Variants in ADAM20 observed in about 807,000 individuals in gnomAD.
ADAM20 encodes the protein ADAM metallopeptidase domain 20.
For synonymous variants in ADAM20, 305 were observed against 310.2 expected, an observed-to-expected ratio of 0.98 and a Z score of 0.18; for missense variants, 871 against 883.2, an observed-to-expected ratio of 0.99 and a Z score of 0.18.
chr14:70,557,527 A>G, the ADAM20 span: 2 of 152,332 alleles, frequency 1.3e-5, no homozygotes, highest in South Asian at 4.1e-4. Flanking sequence ...TGCTTTCAAC[A>G]AAGTTTTTAC....
the ADAM20 span, among the ~76,000 whole-genome samples, chr14:70,563,076 G>C: frequency 2.0e-5 from 3 of 152,104 alleles, no homozygotes; most frequent in Non-Finnish European, 4.4e-5. Context: ...AATCTGAGAA[G>C]AATTCTCACA....
intron 1 of ADAM20, among the ~76,000 whole-genome samples, chr14:70,533,269 T>C (rs1367888454): frequency 6.6e-6 from 1 of 152,200 alleles, no homozygotes; most frequent in Non-Finnish European, 1.5e-5. Context: ...CAAAGGATTA[T>C]AAATCATTCT....
chr14:70,559,321 TTCA>T, the ADAM20 span, among the ~76,000 whole-genome samples: 1 of 151,846 alleles, frequency 6.6e-6, no homozygotes, highest in East Asian at 1.9e-4. Context: ...CCTTTTTTTT[TTCA>T]TCATACCACA....
chr14:70,550,838 G>A, the ADAM20 span, among the ~76,000 whole-genome samples: 1 of 101,556 alleles, frequency 9.8e-6, no homozygotes. Context: ...TCAAAGCCGG[G>A]CAGAGACACA....
upstream of ADAM20, among the ~76,000 whole-genome samples, chr14:70,539,616 A>G (rs1883904855): frequency 6.6e-6 from 1 of 152,176 alleles, no homozygotes; most frequent in Non-Finnish European, 1.5e-5. Flanking sequence ...TTTTGCTGCA[A>G]CTGTTACTGC....
At chr14:70,545,255 T>C in the ADAM20 span, among the ~76,000 whole-genome samples, 1 of 152,152 alleles carries the variant, frequency 6.6e-6, no homozygotes, top group Admixed American at 6.5e-5. Flanking sequence ...TTCTTATTGC[T>C]GAAGAGGGTA....
chr14:70,563,545 T>C, the ADAM20 span, among the ~76,000 whole-genome samples: 2 of 152,226 alleles, frequency 1.3e-5, no homozygotes, highest in African/African-American at 4.8e-5. Context: ...TTTGGACATT[T>C]GTCCCCGCCT....
At chr14:70,528,095 AC>A (rs1222341233) in intron 1 of ADAM20, among the ~76,000 whole-genome samples, 2 of 152,200 alleles carry the variant, frequency 1.3e-5, no homozygotes, top group African/African-American at 4.8e-5. Flanking sequence ...CACCAGTTAA[AC>A]TATAATTTGG....
chr14:70,554,920 G>A, the ADAM20 span, among the ~76,000 whole-genome samples: 9 of 152,322 alleles, frequency 5.9e-5, no homozygotes, highest in African/African-American at 9.6e-5. Flanking sequence ...GAGAGGGCCC[G>A]AGCATGGGGG....
chr14:70,539,733 T>C (rs1883906618), upstream of ADAM20, among the ~76,000 whole-genome samples: 1 of 152,238 alleles, frequency 6.6e-6, no homozygotes, highest in African/African-American at 2.4e-5. Flanking sequence ...CTTATCTCTG[T>C]ATACTGTACT....
chr14:70,545,964 G>C, the ADAM20 span, among the ~76,000 whole-genome samples: 2 of 152,126 alleles, frequency 1.3e-5, no homozygotes, highest in Non-Finnish European at 2.9e-5. Flanking sequence ...CACAAAACAA[G>C]TCTGAAAACA....
the ADAM20 span, among the ~76,000 whole-genome samples, chr14:70,546,098 A>G: frequency 6.6e-6 from 1 of 152,232 alleles, no homozygotes; most frequent in East Asian, 1.9e-4. Context: ...AAGCTCCTGA[A>G]TGGCCACTGT....
chr14:70,525,569 C>T (rs1367262749), intron 1 of ADAM20, among the ~76,000 whole-genome samples: 5 of 152,042 alleles, frequency 3.3e-5, no homozygotes, highest in African/African-American at 1.2e-4. Flanking sequence ...ATCTTTCTTC[C>T]AACCAAAAAC....
the ADAM20 span, among the ~76,000 whole-genome samples, chr14:70,576,251 C>T: frequency 6.6e-6 from 1 of 152,118 alleles, no homozygotes; most frequent in African/African-American, 2.4e-5. Flanking sequence ...AAAGAGACAA[C>T]TATCAATGCA....
At chr14:70,560,743 G>GTA in the ADAM20 span, among the ~76,000 whole-genome samples, 15 of 152,236 alleles carry the variant, frequency 9.9e-5, no homozygotes, top group South Asian at 3.1e-3. Flanking sequence ...TTGCCACCAT[G>GTA]TAAAGAAAGT....
At chr14:70,573,301 G>A in the ADAM20 span, among the ~76,000 whole-genome samples, 1 of 152,094 alleles carries the variant, frequency 6.6e-6, no homozygotes, top group Non-Finnish European at 1.5e-5. Context: ...GCAGCTGGAG[G>A]CCATTACCCT....
At chr14:70,537,607 C>A (rs1883863432), upstream of ADAM20, among the ~76,000 whole-genome samples, 1 of 152,140 alleles carries the variant, frequency 6.6e-6, no homozygotes, top group African/African-American at 2.4e-5. Context: ...AAAGAGGATT[C>A]CAGGTTTCTG....
chr14:70,537,945 C>A (rs1883869534), upstream of ADAM20, among the ~76,000 whole-genome samples: 1 of 152,134 alleles, frequency 6.6e-6, no homozygotes, highest in African/African-American at 2.4e-5. Context: ...CCAACCCTCC[C>A]TGTGTCAAGC....
chr14:70,534,158 T>A (rs1883780807), intron 1 of ADAM20, among the ~76,000 whole-genome samples: 2 of 149,514 alleles, frequency 1.3e-5, no homozygotes, highest in Non-Finnish European at 3.0e-5. Flanking sequence ...ATTAATCTTA[T>A]CCTAAATTAT....
Sources: allele counts gnomAD v4.1 joint callset (sites outside exome capture counted in the v4.1 genomes callset), GRCh38; gene constraint gnomAD v4.1.1; transcripts MANE v1.5; gene names NCBI Gene and HGNC (gene_info 2026-07-23, HGNC 2026-07-21).